DCAF1: variants seen among roughly 807,000 people sequenced by gnomAD.
The protein encoded by DCAF1 is DDB1- and CUL4-associated factor 1.
DCAF1 carries 15 observed loss-of-function variants against 128.0 expected under a neutral mutation model. The ratio of observed to expected loss-of-function variants is 0.12; its 90% CI spans 0.08 to 0.18. The LOEUF is 0.18. DCAF1 is among the 10% of genes least tolerant of loss of function. The pLI is 1.00. For missense variants in DCAF1, 988 were observed against 1,649.5 expected (o/e 0.60, Z 6.95); for synonymous variants, 610 against 603.0 (o/e 1.01, Z -0.17).
chr3:51,462,449 A>T (rs1326843083), intron 6 of DCAF1, among the ~76,000 whole-genome samples: 1 of 152,134 alleles, frequency 6.6e-6, no homozygotes, highest in African/African-American at 2.4e-5. Flanking sequence ...TAAATAAAAT[A>T]AAATTAAAAA....
intron 10 of DCAF1, among the ~76,000 whole-genome samples, chr3:51,431,879 G>A (rs143044634): frequency 4.6e-4 from 70 of 151,578 alleles, no homozygotes; most frequent in African/African-American, 1.6e-3. Flanking sequence ...GCTGAAGTGG[G>A]AGGATGGCTT....
intron 16 of DCAF1, 149 bp downstream of exon 16, chr3:51,418,529 C>T (rs1346186662): frequency 5.2e-6 from 7 of 1,348,740 alleles, no homozygotes; most frequent in Middle Eastern, 2.7e-4. Flanking sequence ...CCTCAGTCTC[C>T]ATCTGAAATA....
chr3:51,447,147 C>G (rs1553640448), intron 6 of DCAF1, among the ~76,000 whole-genome samples: 24 of 151,996 alleles, frequency 1.6e-4, no homozygotes, highest in Non-Finnish European at 3.2e-4. Flanking sequence ...TGGCTCATGC[C>G]TGTAATCCTA....
intron 6 of DCAF1, among the ~76,000 whole-genome samples, chr3:51,461,067 T>C (rs1202231283): frequency 6.6e-6 from 1 of 151,462 alleles, no homozygotes; most frequent in East Asian, 1.9e-4. Flanking sequence ...AAATGGGATC[T>C]AATTAAACTA....
At chr3:51,411,489 C>T (rs1405483286) in intron 23 of DCAF1, among the ~76,000 whole-genome samples, 1 of 152,192 alleles carries the variant, frequency 6.6e-6, no homozygotes, top group Non-Finnish European at 1.5e-5. Flanking sequence ...ACACACCACA[C>T]AGGCAAGCAC....
intron 2 of DCAF1, among the ~76,000 whole-genome samples, chr3:51,486,130 T>C (rs1706926835): frequency 6.6e-6 from 1 of 151,644 alleles, no homozygotes; most frequent in Non-Finnish European, 1.5e-5. Context: ...GACCTCATGA[T>C]CTGCCTGCCT....
chr3:51,412,550 G>C (rs1698524733), intron 22 of DCAF1, 70 bp from the exon 23 acceptor site: 10 of 1,602,198 alleles, frequency 6.2e-6, no homozygotes, highest in Non-Finnish European at 7.7e-6. Flanking sequence ...CCTCAGCCCT[G>C]ACTGGTGCCC....
intron 7 of DCAF1, 41 bp downstream of exon 7, chr3:51,443,725 C>T: frequency 2.6e-6 from 4 of 1,547,704 alleles, no homozygotes; most frequent in Non-Finnish European, 3.5e-6. Context: ...TGTGAATACT[C>T]TCCCATTTTA....
chr3:51,415,794 T>C (rs1698828126), intron 18 of DCAF1, among the ~76,000 whole-genome samples: 1 of 151,926 alleles, frequency 6.6e-6, no homozygotes, highest in Non-Finnish European at 1.5e-5. Flanking sequence ...GGAGTCTCTC[T>C]ATGTTGCCCA....
chr3:51,434,598 G>A (rs1010965845), intron 9 of DCAF1, among the ~76,000 whole-genome samples: 6 of 152,076 alleles, frequency 3.9e-5, no homozygotes, highest in Non-Finnish European at 7.4e-5. Context: ...CTATATCCTA[G>A]CTTTTGCTCA....
In DCAF1 at chr3:51,430,734, T is replaced by C. The variant is rs978857332; in HGVS notation, c.1288-522A>G. Among the ~76,000 whole-genome samples, 9 of 152,280 alleles carry C rather than the reference T, an allele frequency of 5.9e-5. No individual in the cohort carries two copies. The South Asian group carries it at 1.0e-3, about 18-fold the overall frequency. ...ATAAGTAATTTTGTATGTACACACA[T>C]AGATTAGTTTATTACTCCCAAAAGA... On this transcript the variant is annotated intron_variant, in intron 10 of 24. Transcript: ENST00000684031.
chr3:51,501,907 C>G (rs1466773629), upstream of DCAF1, among the ~76,000 whole-genome samples: 1 of 152,190 alleles, frequency 6.6e-6, no homozygotes, highest in Non-Finnish European at 1.5e-5. Context: ...CCTCACTACC[C>G]TGCCACACAC....
intron 9 of DCAF1, among the ~76,000 whole-genome samples, 152 bp from the exon 10 acceptor site, chr3:51,433,416 T>TA (rs1486335162): frequency 4.6e-5 from 7 of 151,966 alleles, no homozygotes; most frequent in Non-Finnish European, 7.4e-5. Context: ...TTAAAGTAAA[T>TA]AAAAAGACTA....
At chr3:51,475,725 G>C (rs1705358241) in intron 3 of DCAF1, among the ~76,000 whole-genome samples, 2 of 152,242 alleles carry the variant, frequency 1.3e-5, no homozygotes, top group South Asian at 4.1e-4. Flanking sequence ...GCCGGGCACG[G>C]TGGCAGGCGC....
At chr3:51,430,652 A>T (rs1553635330) in intron 10 of DCAF1, among the ~76,000 whole-genome samples, 1 of 152,200 alleles carries the variant, frequency 6.6e-6, no homozygotes, top group African/African-American at 2.4e-5. Flanking sequence ...ATGGGTCAGA[A>T]AATGAAACTG....
At chr3:51,458,253 G>C (rs1449987967) in intron 6 of DCAF1, among the ~76,000 whole-genome samples, 2 of 151,976 alleles carry the variant, frequency 1.3e-5, no homozygotes, top group African/African-American at 4.8e-5. Context: ...AAAAAGGCAG[G>C]GGCTGCAATC....
chr3:51,465,111 TG>T (rs1484373921), intron 5 of DCAF1, among the ~76,000 whole-genome samples: 4 of 152,196 alleles, frequency 2.6e-5, no homozygotes, highest in Non-Finnish European at 5.9e-5. Flanking sequence ...AGTGAAAAAT[TG>T]TTGGCTAAAC....
chr3:51,414,420 A>C (rs1177411834), intron 19 of DCAF1, among the ~76,000 whole-genome samples: 2 of 152,238 alleles, frequency 1.3e-5, no homozygotes, highest in Admixed American at 6.5e-5. Context: ...TACATAGAAA[A>C]CATGCTAGTG....
At chr3:51,504,461 C>G (rs1708895254), upstream of DCAF1, among the ~76,000 whole-genome samples, 1 of 152,112 alleles carries the variant, frequency 6.6e-6, no homozygotes, top group Non-Finnish European at 1.5e-5. Context: ...AATTCTCCTG[C>G]CTCAGCCTCC....
Sources: allele counts gnomAD v4.1 joint callset (sites outside exome capture counted in the v4.1 genomes callset), GRCh38; gene constraint gnomAD v4.1.1; transcripts MANE v1.5; gene names NCBI Gene and HGNC (gene_info 2026-07-23, HGNC 2026-07-21).